The following ENOX1 variants were observed in gnomAD, a reference collection of about 807,000 sequenced individuals.
The protein encoded by ENOX1 is ecto-NOX disulfide-thiol exchanger 1.
In ENOX1, 42 loss-of-function variants were observed where a neutral mutation model predicts 82.5. That is an observed-to-expected ratio of 0.51 (90% CI 0.40 to 0.66). The LOEUF (loss-of-function observed/expected upper bound fraction) is 0.66. Among genes scored for constraint, ENOX1 ranks in the 30% least tolerant of loss-of-function variants. ENOX1 has a pLI of 0.00. For missense variants in ENOX1, 608 were observed against 811.6 expected (o/e 0.75, Z 3.05); for synonymous variants, 271 against 282.2 (o/e 0.96, Z 0.40).
intron 12 of ENOX1, among the ~76,000 whole-genome samples, chr13:43,282,927 C>G (rs1184163129): frequency 6.6e-6 from 1 of 151,712 alleles, no homozygotes; most frequent in Non-Finnish European, 1.5e-5. Flanking sequence ...GCCATCTCTA[C>G]TAAAAAAATA....
chr13:43,756,974 A>AC (rs201682546), intron 1 of ENOX1, among the ~76,000 whole-genome samples: 11,311 of 142,908 alleles, frequency 0.079, 780 homozygotes, highest in African/African-American at 0.17. Context: ...AACAACAACA[A>AC]AAAAAAAAAA....
At chr13:43,530,659 CA>C (rs1181580620) in intron 2 of ENOX1, among the ~76,000 whole-genome samples, 4 of 152,026 alleles carry the variant, frequency 2.6e-5, no homozygotes, top group African/African-American at 4.8e-5. Context: ...TTGTATAAAA[CA>C]AAACTGTGTC....
chr13:43,703,708 C>G (rs1036703828), intron 1 of ENOX1, among the ~76,000 whole-genome samples: 1 of 152,066 alleles, frequency 6.6e-6, no homozygotes, highest in Admixed American at 6.6e-5. Flanking sequence ...AAGACTTTAC[C>G]TGTTTTGTTT....
At chr13:43,450,226 C>CTGCTGG (rs2056886842) in intron 3 of ENOX1, among the ~76,000 whole-genome samples, 1 of 152,184 alleles carries the variant, frequency 6.6e-6, no homozygotes, top group Non-Finnish European at 1.5e-5. Context: ...CGTCCCCTGC[C>CTGCTGG]AGAAAATCTG....
chr13:43,779,879 G>A (rs753249868), intron 1 of ENOX1, among the ~76,000 whole-genome samples: 1 of 152,124 alleles, frequency 6.6e-6, no homozygotes, highest in Non-Finnish European at 1.5e-5. Flanking sequence ...GCATGAGGCC[G>A]GGCGTGGTGG....
At chr13:43,758,957 A>G (rs1950807293) in intron 1 of ENOX1, among the ~76,000 whole-genome samples, 1 of 152,248 alleles carries the variant, frequency 6.6e-6, no homozygotes, top group African/African-American at 2.4e-5. Flanking sequence ...CAAGGCAGAC[A>G]GCAGTCTGAG....
chr13:43,262,159 A>G (rs923416587), intron 14 of ENOX1, among the ~76,000 whole-genome samples: 6 of 152,176 alleles, frequency 3.9e-5, no homozygotes, highest in Admixed American at 3.9e-4. Flanking sequence ...AAAAACTAAA[A>G]TAAAGCGTTA....
intron 12 of ENOX1, among the ~76,000 whole-genome samples, chr13:43,283,648 G>C (rs534696642): frequency 6.7e-6 from 1 of 149,940 alleles, no homozygotes; most frequent in East Asian, 2.0e-4. Flanking sequence ...TGGGGTCTCA[G>C]TATGTTGACC....
chr13:43,755,905 T>C (rs1268526909), intron 1 of ENOX1, among the ~76,000 whole-genome samples: 2 of 152,188 alleles, frequency 1.3e-5, no homozygotes, highest in Non-Finnish European at 2.9e-5. Context: ...AGCCAGCCCA[T>C]GGTTCATTAC....
chr13:43,231,928 T>C (rs1353562146), intron 15 of ENOX1, among the ~76,000 whole-genome samples: 1 of 152,076 alleles, frequency 6.6e-6, no homozygotes, highest in African/African-American at 2.4e-5. Flanking sequence ...AGGATCACTT[T>C]CTTTTTTTTC....
At chr13:43,322,760 C>T (rs187077716) in intron 10 of ENOX1, among the ~76,000 whole-genome samples, 1 of 152,260 alleles carries the variant, frequency 6.6e-6, no homozygotes, top group Non-Finnish European at 1.5e-5. Context: ...TCTCAATTTC[C>T]TCATTTGTAC....
At chr13:43,504,074 A>G (rs1473716908) in intron 2 of ENOX1, among the ~76,000 whole-genome samples, 1 of 151,840 alleles carries the variant, frequency 6.6e-6, no homozygotes, top group African/African-American at 2.4e-5. Context: ...ATACAGGTAT[A>G]TGAAAACATA....
chr13:43,688,766 C>A (rs566020607), intron 1 of ENOX1, among the ~76,000 whole-genome samples: 1 of 152,178 alleles, frequency 6.6e-6, no homozygotes, highest in African/African-American at 2.4e-5. Context: ...GGAGAAGGAG[C>A]AGGGTCAGAG....
At chr13:43,660,939 C>A (rs1199846856) in intron 2 of ENOX1, among the ~76,000 whole-genome samples, 1 of 152,118 alleles carries the variant, frequency 6.6e-6, no homozygotes, top group African/African-American at 2.4e-5. Context: ...GTTTTAAGGT[C>A]TTTATTCTCC....
At chr13:43,285,584 T>A (rs2045647139) in intron 12 of ENOX1, among the ~76,000 whole-genome samples, 1 of 152,018 alleles carries the variant, frequency 6.6e-6, no homozygotes, top group Non-Finnish European at 1.5e-5. Flanking sequence ...GGCAGGCAGA[T>A]CACCTGAGGT....
chr13:43,306,764 C>T (rs976261168), intron 11 of ENOX1, among the ~76,000 whole-genome samples: 3 of 152,180 alleles, frequency 2.0e-5, no homozygotes, highest in African/African-American at 7.2e-5. Flanking sequence ...TTCTAATTTT[C>T]ATCAAGAAAC....
chr13:43,488,817 G>C (rs1347060208), intron 2 of ENOX1, among the ~76,000 whole-genome samples: 1 of 152,224 alleles, frequency 6.6e-6, no homozygotes, highest in African/African-American at 2.4e-5. Flanking sequence ...CAGGGTACTG[G>C]AAGCTAGAGG....
intron 1 of ENOX1, among the ~76,000 whole-genome samples, chr13:43,679,157 A>G (rs762837298): frequency 4.6e-5 from 7 of 152,188 alleles, no homozygotes; most frequent in African/African-American, 7.2e-5. Flanking sequence ...TGACTCAGTT[A>G]TCAACATGAA....
intron 2 of ENOX1, among the ~76,000 whole-genome samples, chr13:43,616,196 ATATATATAT>A (rs2082458219): frequency 6.0e-5 from 1 of 16,798 alleles, no homozygotes; most frequent in African/African-American, 7.8e-5. Context: ...CTATATATAT[ATATATATAT>A]TTTTTTTTTT....
Sources: gnomAD v4.1 joint callset for allele counts (sites outside exome capture counted in the v4.1 genomes callset) on GRCh38, gnomAD v4.1.1 for gene constraint, MANE v1.5 for transcripts, NCBI Gene and HGNC (gene_info 2026-07-23, HGNC 2026-07-21) for gene names.